The following PRKN variants were observed in gnomAD, a reference collection of about 807,000 sequenced individuals.
The protein encoded by PRKN is parkin RBR E3 ubiquitin protein ligase, also known as E3 ubiquitin-protein ligase parkin.
A neutral mutation model predicts 59.5 loss-of-function variants in PRKN; 56 were observed. The observed-to-expected ratio is 0.94, with a 90% CI of 0.76 to 1.18. PRKN has a LOEUF of 1.18. Ranked by LOEUF, PRKN falls within the 50% of genes most tolerant of loss-of-function variation. The pLI is 0.00. For missense variants in PRKN, 657 were observed against 596.4 expected, an observed-to-expected ratio of 1.10 and a Z score of -1.06; for synonymous variants, 250 against 222.1, an observed-to-expected ratio of 1.13 and a Z score of -1.12.
chr6:161,450,712 A>T (rs1463898482), intron 9 of PRKN, among the ~76,000 whole-genome samples: 2 of 152,082 alleles, frequency 1.3e-5, no homozygotes, highest in Non-Finnish European at 2.9e-5. Context: ...GCCCGCCACC[A>T]CACCCAGCTA....
intron 4 of PRKN, among the ~76,000 whole-genome samples, chr6:162,122,754 CTA>C (rs1412848443): frequency 6.7e-6 from 1 of 149,170 alleles, no homozygotes; most frequent in Non-Finnish European, 1.5e-5. Flanking sequence ...ATCTATCTAT[CTA>C]TCTCTGATAT....
At chr6:162,058,166 A>C (rs941865467) in intron 4 of PRKN, among the ~76,000 whole-genome samples, 4 of 152,192 alleles carry the variant, frequency 2.6e-5, no homozygotes, top group African/African-American at 9.7e-5. Context: ...ATTTTACATA[A>C]ATCATAATAC....
At chr6:161,661,787 C>A (rs1334999425) in intron 7 of PRKN, among the ~76,000 whole-genome samples, 3 of 152,136 alleles carry the variant, frequency 2.0e-5, no homozygotes, top group Admixed American at 1.3e-4. Flanking sequence ...CTTTGGGAGG[C>A]CGACGTGGGA....
intron 3 of PRKN, among the ~76,000 whole-genome samples, chr6:162,213,842 CACACACACACACACACAT>C (rs1165773159): frequency 9.1e-5 from 11 of 121,226 alleles, no homozygotes; most frequent in African/African-American, 2.7e-4. Flanking sequence ...CACACACACA[CACACACACACACACACAT>C]ATGAATAGTA....
chr6:161,835,017 T>C (rs1239057487), intron 6 of PRKN, among the ~76,000 whole-genome samples: 1 of 151,768 alleles, frequency 6.6e-6, no homozygotes, highest in African/African-American at 2.4e-5. Flanking sequence ...CTAGGCATCA[T>C]TTCTGCCCGC....
chr6:161,872,191 G>A (rs1372073308), intron 6 of PRKN, among the ~76,000 whole-genome samples: 1 of 151,958 alleles, frequency 6.6e-6, no homozygotes, highest in African/African-American at 2.4e-5. Flanking sequence ...CAGGATTGGG[G>A]ACAGAGAACG....
At chr6:161,439,358 G>A (rs1789081468) in intron 9 of PRKN, among the ~76,000 whole-genome samples, 2 of 152,226 alleles carry the variant, frequency 1.3e-5, no homozygotes, top group Admixed American at 6.5e-5. Flanking sequence ...AGCAGGCACA[G>A]GGTAATCAGA....
At chr6:162,402,646 ATTTCT>A (rs1284785319) in intron 2 of PRKN, among the ~76,000 whole-genome samples, 3 of 135,006 alleles carry the variant, frequency 2.2e-5, no homozygotes, top group Non-Finnish European at 4.7e-5. Flanking sequence ...ATATATATAT[ATTTCT>A]TTTATTTCCT....
chr6:162,279,413 GA>G (rs1780782552), intron 2 of PRKN, among the ~76,000 whole-genome samples: 1 of 150,452 alleles, frequency 6.6e-6, no homozygotes, highest in Non-Finnish European at 1.5e-5. Flanking sequence ...GAAAAAGAAA[GA>G]AAGAAGGAAA....
rs1312575386 is a variant in PRKN, at chr6:161,372,256, T to A, written c.1168-12051A>T. ...CACTTGAGCTAGAAAATATGCTGAT[T>A]TGTATTTTTGATAATGACATTCTCT... On this transcript the variant is annotated intron_variant, in intron 10 of 11. Coordinates refer to ENST00000366898, the MANE Select transcript of PRKN (RefSeq NM_004562.3). This position sits in a 1 kb window ranked among gnomAD's most constrained non-coding sequence, Gnocchi z 4.2. Among the ~76,000 whole-genome samples, 3 of 152,328 alleles carry A rather than the reference T, an allele frequency of 2.0e-5. No homozygotes were observed. Among genetic ancestry groups the A allele is most frequent in the Middle Eastern group, 3.4e-3 (1 of 294 alleles).
At chr6:161,668,425 A>G (rs1784797908) in intron 7 of PRKN, among the ~76,000 whole-genome samples, 1 of 152,216 alleles carries the variant, frequency 6.6e-6, no homozygotes, top group African/African-American at 2.4e-5. Flanking sequence ...TACAAACAAC[A>G]ATGAACAAAG....
intron 3 of PRKN, among the ~76,000 whole-genome samples, chr6:162,235,381 T>C (rs1778608911): frequency 1.3e-5 from 2 of 152,224 alleles, no homozygotes; most frequent in African/African-American, 4.8e-5. Flanking sequence ...TCTTACGACA[T>C]GCCTCCGTCA....
intron 2 of PRKN, among the ~76,000 whole-genome samples, chr6:162,364,321 G>C (rs1231310005): frequency 1.3e-5 from 2 of 152,048 alleles, no homozygotes; most frequent in Admixed American, 6.6e-5. Flanking sequence ...CTTTCAACTG[G>C]ACTTTTCCTT....
chr6:162,713,867 G>A (rs748402492), intron 1 of PRKN, among the ~76,000 whole-genome samples: 7 of 152,102 alleles, frequency 4.6e-5, no homozygotes, highest in Non-Finnish European at 7.4e-5. Flanking sequence ...AGATATCAAA[G>A]GCAAATCAGT....
intron 1 of PRKN, among the ~76,000 whole-genome samples, chr6:162,676,204 G>A (rs1210603049): frequency 6.6e-6 from 1 of 152,138 alleles, no homozygotes; most frequent in Non-Finnish European, 1.5e-5. Flanking sequence ...TTTACTACTG[G>A]AGGGAATCAT....
At chr6:162,126,783 C>T (rs912542144) in intron 4 of PRKN, among the ~76,000 whole-genome samples, 1 of 152,024 alleles carries the variant, frequency 6.6e-6, no homozygotes, top group African/African-American at 2.4e-5. Flanking sequence ...CAACAGTCTC[C>T]TCTTTTACTC....
chr6:162,528,650 A>G (rs2846475), intron 1 of PRKN, among the ~76,000 whole-genome samples: 53,523 of 151,894 alleles, frequency 0.35, 11,210 homozygotes, highest in Middle Eastern at 0.52. Context: ...TATGAAAAGG[A>G]AGTAAAATAA....
intron 6 of PRKN, among the ~76,000 whole-genome samples, chr6:161,952,043 G>A (rs1023145102): frequency 2.6e-5 from 4 of 152,054 alleles, no homozygotes; most frequent in Non-Finnish European, 5.9e-5. Context: ...TCCTTCAGTT[G>A]ACAAGAATGT....
At position 161,409,739 on chromosome 6, in the gene PRKN, C is replaced by T. The variant is rs1421698886; in HGVS notation, c.1084-22862G>A. Among the ~76,000 whole-genome samples the T allele has an allele frequency of 6.6e-6, 1 of 152,148 alleles. No individual in the cohort carries two copies. The highest frequency in any genetic ancestry group is 1.5e-5 in the Non-Finnish European group (1 of 68,042). On this transcript the variant is annotated intron_variant, in intron 9 of 11. Transcript: ENST00000366898. This position sits in a 1 kb window ranked among gnomAD's most constrained non-coding sequence, Gnocchi z 4.6. ...ACCCAGTGTTCTTTCAGAGTCAGGT[C>T]GCTGTTAGATGACAACCCCTTCAGC...
Sources: gnomAD v4.1 joint callset for allele counts (sites outside exome capture counted in the v4.1 genomes callset) on GRCh38, gnomAD v4.1.1 for gene constraint, Gnocchi (gnomAD v3.1) non-coding constraint, MANE v1.5 for transcripts, NCBI Gene and HGNC (gene_info 2026-07-23, HGNC 2026-07-21) for gene names.